CHSY3: variants seen among roughly 807,000 people sequenced by gnomAD.
CHSY3 encodes the protein chondroitin sulfate synthase 3.
In CHSY3, 35 loss-of-function variants were observed where a neutral mutation model predicts 67.2. That is an observed-to-expected ratio of 0.52 (90% confidence interval 0.40 to 0.69). The LOEUF (loss-of-function observed/expected upper bound fraction) is 0.69, where lower values mean the gene tolerates loss of function less well. Among genes scored for constraint, CHSY3 ranks in the 30% least tolerant of loss-of-function variants. The pLI, the probability that CHSY3 is intolerant of heterozygous loss-of-function variation, is 0.00. For missense variants in CHSY3, 1,069 were observed against 1,138.5 expected, an observed-to-expected ratio of 0.94 and a Z score of 0.88; for synonymous variants, 474 against 434.7, an observed-to-expected ratio of 1.09 and a Z score of -1.12.
At chr5:130,151,367 T>C (rs1769226911) in intron 2 of CHSY3, among the ~76,000 whole-genome samples, 1 of 152,186 alleles carries the variant, frequency 6.6e-6, no homozygotes, top group South Asian at 2.1e-4. Context: ...TGATAGTTAG[T>C]GTGGGATAGA....
intron 2 of CHSY3, among the ~76,000 whole-genome samples, chr5:129,965,592 A>G (rs933395272): frequency 3.3e-5 from 5 of 151,884 alleles, no homozygotes; most frequent in African/African-American, 1.2e-4. Flanking sequence ...GTCATTAAAG[A>G]AAGGTTTTCA....
chr5:130,117,065 C>T (rs1767832489), intron 2 of CHSY3, among the ~76,000 whole-genome samples: 1 of 151,988 alleles, frequency 6.6e-6, no homozygotes. Flanking sequence ...CTCTTGTCAC[C>T]CAGGTGAAGT....
chr5:130,094,767 C>A (rs1451860569), intron 2 of CHSY3, among the ~76,000 whole-genome samples: 1 of 152,046 alleles, frequency 6.6e-6, no homozygotes, highest in Non-Finnish European at 1.5e-5. Flanking sequence ...AACCACATAA[C>A]CACATTGGGG....
At chr5:129,948,137 G>C (rs10076620) in intron 2 of CHSY3, among the ~76,000 whole-genome samples, 1 of 152,144 alleles carries the variant, frequency 6.6e-6, no homozygotes, top group Non-Finnish European at 1.5e-5. Flanking sequence ...TAAGAAAACA[G>C]AGAAGACTCA....
intron 2 of CHSY3, among the ~76,000 whole-genome samples, chr5:129,929,165 C>T (rs867103932): frequency 1.3e-5 from 2 of 152,036 alleles, no homozygotes; most frequent in Middle Eastern, 3.4e-3. Flanking sequence ...CAGTAAAGGC[C>T]CAGAATGAAC....
At chr5:130,178,476 T>C (rs1033379099) in intron 2 of CHSY3, among the ~76,000 whole-genome samples, 3 of 151,610 alleles carry the variant, frequency 2.0e-5, no homozygotes, top group Admixed American at 1.3e-4. Context: ...ATGGTCTCCA[T>C]CTCCTGACCT....
chr5:130,150,970 A>G (rs2149723980), intron 2 of CHSY3, among the ~76,000 whole-genome samples: 1 of 152,312 alleles, frequency 6.6e-6, no homozygotes, highest in Middle Eastern at 3.4e-3. Context: ...TTCCCTTTAG[A>G]TCTAGTTGAA....
chr5:129,961,552 T>C (rs1316588149), intron 2 of CHSY3, among the ~76,000 whole-genome samples: 1 of 151,998 alleles, frequency 6.6e-6, no homozygotes, highest in African/African-American at 2.4e-5. Context: ...TACCCAAAAG[T>C]TCTAAACTGC....
chr5:130,030,327 G>A (rs1764671005), intron 2 of CHSY3, among the ~76,000 whole-genome samples: 1 of 152,088 alleles, frequency 6.6e-6, no homozygotes, highest in Non-Finnish European at 1.5e-5. Flanking sequence ...AATGGAGGCA[G>A]CATTTTACAT....
At chr5:130,007,580 A>G (rs1240901249) in intron 2 of CHSY3, among the ~76,000 whole-genome samples, 1 of 152,126 alleles carries the variant, frequency 6.6e-6, no homozygotes, top group African/African-American at 2.4e-5. Context: ...GACCTCCAGA[A>G]TCCTAGCAGC....
chr5:130,144,482 A>T (rs915338546), intron 2 of CHSY3, among the ~76,000 whole-genome samples: 2 of 152,184 alleles, frequency 1.3e-5, no homozygotes, highest in African/African-American at 2.4e-5. Flanking sequence ...TAAAAACTAT[A>T]AACCATTAAT....
chr5:130,009,977 G>A lies in CHSY3; in HGVS notation c.1086+101617G>A, dbSNP rs147703887. Among the ~76,000 whole-genome samples, 290 of 152,212 alleles carry A rather than the reference G, an allele frequency of 1.9e-3. 1 individual carries two copies. The highest frequency in any genetic ancestry group is 6.7e-3 in the African/African-American group (280 of 41,530). ...TGTACACCCAACACTGGAGCACCCA[G>A]ATCATAAAACAAGTAATTAGAGACC... On this transcript the variant is annotated intron_variant, in intron 2 of 2. Coordinates refer to ENST00000305031, the MANE Select transcript of CHSY3 (RefSeq NM_175856.5).
intron 2 of CHSY3, among the ~76,000 whole-genome samples, chr5:130,026,007 G>A (rs574506591): frequency 6.6e-6 from 1 of 152,122 alleles, no homozygotes; most frequent in Non-Finnish European, 1.5e-5. Flanking sequence ...AGGCATTTAG[G>A]TAAGAGATTC....
chr5:129,949,633 C>A (rs1390953151), intron 2 of CHSY3, among the ~76,000 whole-genome samples: 1 of 152,090 alleles, frequency 6.6e-6, no homozygotes, highest in Non-Finnish European at 1.5e-5. Context: ...TATCCTGACA[C>A]CAAAGCCAAG....
chr5:129,983,660 C>T (rs746981089), intron 2 of CHSY3, among the ~76,000 whole-genome samples: 12 of 151,968 alleles, frequency 7.9e-5, no homozygotes, highest in Non-Finnish European at 2.9e-5. Flanking sequence ...AATGACAGAA[C>T]TATGAAAACT....
chr5:129,922,224 C>G (rs1760948150), intron 2 of CHSY3, among the ~76,000 whole-genome samples: 1 of 152,210 alleles, frequency 6.6e-6, no homozygotes, highest in Non-Finnish European at 1.5e-5. Flanking sequence ...TTTTCTTTAT[C>G]TGTTCATCCA....
chr5:129,913,592 T>C (rs1172496065), intron 2 of CHSY3, among the ~76,000 whole-genome samples: 1 of 152,214 alleles, frequency 6.6e-6, no homozygotes, highest in African/African-American at 2.4e-5. Context: ...AGATCACTTA[T>C]ATTCAATTCA....
intron 2 of CHSY3, among the ~76,000 whole-genome samples, chr5:130,076,311 C>CTTTT (rs79134351): frequency 7.1e-6 from 1 of 141,662 alleles, no homozygotes. Flanking sequence ...TTTTTTCTTT[C>CTTTT]TTTTTTTTTT....
intron 2 of CHSY3, among the ~76,000 whole-genome samples, chr5:129,928,956 C>T (rs1376443919): frequency 6.6e-6 from 1 of 152,110 alleles, no homozygotes; most frequent in African/African-American, 2.4e-5. Context: ...TTGTTAGGGT[C>T]TTGCTTTGAG....
Sources: allele counts gnomAD v4.1 joint callset (sites outside exome capture counted in the v4.1 genomes callset), GRCh38; gene constraint gnomAD v4.1.1; transcripts MANE v1.5; gene names NCBI Gene and HGNC (gene_info 2026-07-23, HGNC 2026-07-21).